SPTBN2: variants seen among roughly 807,000 people sequenced by gnomAD.
The protein encoded by SPTBN2 is spectrin beta chain, non-erythrocytic 2.
A neutral mutation model predicts 284.2 loss-of-function variants in SPTBN2; 107 were observed. The observed-to-expected ratio is 0.38, with a 90% confidence interval of 0.32 to 0.44. SPTBN2 has a LOEUF of 0.44. Among genes scored for constraint, SPTBN2 ranks in the 20% least tolerant of loss-of-function variants. The pLI, the probability that SPTBN2 is intolerant of heterozygous loss-of-function variation, is 1.00. For synonymous variants in SPTBN2, 1,289 were observed against 1,354.8 expected (o/e 0.95, Z 1.07); for missense variants, 2,569 against 3,287.1 (o/e 0.78, Z 5.34).
Position 66,708,335 on chromosome 11 carries a change from G to C in SPTBN2, c.1192-36C>G. 6.5e-7 allele frequency: 1 copy of C among 1,539,842 alleles called. No individual in the cohort carries two copies. Among genetic ancestry groups the C allele is most frequent in the Non-Finnish European group, 8.8e-7 (1 of 1,138,994 alleles). On this transcript the variant is annotated intron_variant, in intron 11 of 37. Transcript: ENST00000533211. The surrounding 1 kb of genome is among the most constrained non-coding windows in gnomAD (Gnocchi z 4.4). ...GGGACAGGGTTAGTGGAAGGGACAG[G>C]GTGGGGAGGGCTCAGTGGGGCTGGA...
intron 1 of SPTBN2, 198 bp downstream of exon 1, chr11:66,728,543 C>A: frequency 6.6e-6 from 1 of 151,318 alleles, no homozygotes; most frequent in Non-Finnish European, 1.5e-5. Context: ...AGGCCCCTCT[C>A]GGTGCTCCCC....
Position 66,699,025 on chromosome 11 carries a change from C to A in SPTBN2, c.3834G>T (p.Arg1278=). ...AATCTTGCAGGAAATGCTGCTGCTCCCGGTTGTCCCGAAGACGGCCCAGAA... is the reference window on the plus strand; with the variant it reads ...AATCTTGCAGGAAATGCTGCTGCTCACGGTTGTCCCGAAGACGGCCCAGAA... ...QQFLGRLRDN[R]EQQHFLQDCH... is the part of the protein sequence containing the mutation. The change falls in exon 19 of 38, where the codon CGG becomes CGT. Residue 1278 remains arginine (R), a synonymous_variant. Coordinates refer to ENST00000533211, the MANE Select transcript of SPTBN2 (RefSeq NM_006946.4). The A allele has an allele frequency of 6.2e-7, 1 of 1,614,214 alleles. No homozygotes were observed. Among genetic ancestry groups the A allele is most frequent in the Non-Finnish European group, 8.5e-7 (1 of 1,180,034 alleles).
At chr11:66,714,003 GCTCAT>G (rs961991095) in intron 7 of SPTBN2, 83 bp downstream of exon 7, 1 of 1,359,456 alleles carries the variant, frequency 7.4e-7, no homozygotes, top group African/African-American at 1.4e-5. Context: ...CTGCTGTGCA[GCTCAT>G]CTCATCTCTG....
chr11:66,684,590 G>A lies in SPTBN2; in HGVS notation c.*1281C>T, dbSNP rs573256908. On this transcript the variant is annotated 3_prime_UTR_variant, in exon 38 of 38. Coordinates refer to ENST00000533211, the MANE Select transcript of SPTBN2 (RefSeq NM_006946.4). Reference sequence around the variant, plus strand: ...GTGGAGGTTGCAATGGGCTGTGATTGCGCCACTGCAGTCCAGCTTGGCTGA... The same window carrying A: ...GTGGAGGTTGCAATGGGCTGTGATTACGCCACTGCAGTCCAGCTTGGCTGA... Among the ~76,000 whole-genome samples the A allele has an allele frequency of 4.7e-5, 7 of 150,530 alleles. No homozygotes were observed. The South Asian group carries it at 1.5e-3, about 32-fold the overall frequency.
chr11:66,689,406 T>C lies in SPTBN2; in HGVS notation c.5950-226A>G, dbSNP rs561713722. 9 of 562,628 alleles carry C rather than the reference T, an allele frequency of 1.6e-5. No individual in the cohort carries two copies. In the East Asian group the frequency reaches 2.9e-4, roughly 18 times the overall value. 34.9% of individuals were successfully genotyped at this position (562,628 alleles called of 1,614,324 possible). A position where few individuals can be genotyped will look rare whatever the true frequency, so the allele number is the denominator to read the frequency against. On this transcript the variant is annotated intron_variant, in intron 29 of 37. Transcript: ENST00000533211. ...TCTCCTGCCTCAGCCTCCGAGTAGC[T>C]GGGATTACAGGTGCCCGCCACCACG...
In SPTBN2 at chr11:66,715,824, G is replaced by C. The variant is rs750973738; in HGVS notation, c.309+6C>G. ...CCCCCCACTTCCCTTCATGACCACAGCTCACCAGTATCTCTCCCGAGAGCA... is the reference window on the plus strand; with the variant it reads ...CCCCCCACTTCCCTTCATGACCACACCTCACCAGTATCTCTCCCGAGAGCA... On this transcript the variant is annotated splice_donor_region_variant and intron_variant, in intron 4 of 37. Transcript: ENST00000533211. This position sits in a 1 kb window ranked among gnomAD's most constrained non-coding sequence, Gnocchi z 5.3. The C allele has an allele frequency of 6.2e-7, 1 of 1,613,732 alleles. No individual in the cohort carries two copies. Among genetic ancestry groups the C allele is most frequent in the Admixed American group, 1.7e-5 (1 of 59,972 alleles).
rs763398880 is a variant in SPTBN2 at position 66,687,138 on chromosome 11, C to T, written c.6752G>A (p.Arg2251Gln). Residue 2251 changes from arginine (R) to glutamine (Q), a missense_variant, in exon 36 of 38, where the codon CGG becomes CAG. Arg to Gln is a conservative substitution (Grantham distance 43). This residue lies in a region of SPTBN2 where 1,130 missense variants were observed against 1,317.3 expected (regional missense o/e 0.86). Coordinates refer to ENST00000533211, the MANE Select transcript of SPTBN2 (RefSeq NM_006946.4). This position sits in a 1 kb window ranked among gnomAD's most constrained non-coding sequence, Gnocchi z 5.2. Reference protein sequence around the residue: ...RSWQNVYCVLRRGSLGFYKDA... With the variant: ...RSWQNVYCVLQRGSLGFYKDA... ...CTTGTAAAAGCCGAGGCTCCCACGC[C>T]GCAGGACACAGTACACGTTCTGCCA... 16 of 1,613,916 alleles carry T rather than the reference C, an allele frequency of 9.9e-6. No homozygotes were observed. Among genetic ancestry groups the T allele is most frequent in the African/African-American group, 6.7e-5 (5 of 74,932 alleles).
rs1590970194 is a variant in SPTBN2 at position 66,715,694 on chromosome 11, T to C, written c.309+136A>G. ...ATCTAAGTGGCAAAGGCACTTGAAA[T>C]GAACCCATCCTCTGAGCAGAGGGAG... is the stretch of plus-strand genomic sequence containing the variant. On this transcript the variant is annotated intron_variant, in intron 4 of 37. Coordinates refer to ENST00000533211, the MANE Select transcript of SPTBN2 (RefSeq NM_006946.4). This position sits in a 1 kb window ranked among gnomAD's most constrained non-coding sequence, Gnocchi z 5.3. 7.9e-7 allele frequency: 1 copy of C among 1,269,740 alleles called. No homozygotes were observed. The highest frequency in any genetic ancestry group is 2.0e-5 in the Admixed American group (1 of 50,572). The allele number at this position is 1,269,740 out of a possible 1,614,324, so 78.7% of individuals were successfully genotyped here.
chr11:66,686,178 G>T, intron 37 of SPTBN2, 74 bp from the exon 38 acceptor site: 2 of 1,488,018 alleles, frequency 1.3e-6, no homozygotes, highest in Non-Finnish European at 1.9e-6. Context: ...GCAGGGAAGT[G>T]TAAGAGGAGG....
Position 66,691,237 on chromosome 11 carries a change from C to G in SPTBN2, c.5565+47G>C. The G allele has an allele frequency of 6.6e-7, 1 of 1,504,284 alleles. No homozygotes were observed. The allele number at this position is 1,504,284 out of a possible 1,614,324, so 93.2% of individuals were successfully genotyped here. ...TGGGAACTCTCCCCGGCATTTCCCC[C>G]ATGGCCTCCTCTAAGCCTCCCCCAC... On this transcript the variant is annotated intron_variant, in intron 27 of 37. Coordinates refer to ENST00000533211, the MANE Select transcript of SPTBN2 (RefSeq NM_006946.4). The surrounding 1 kb of genome is among the most constrained non-coding windows in gnomAD (Gnocchi z 8.0).
chr11:66,704,834 G>A lies in SPTBN2; in HGVS notation c.2442C>T (p.Pro814=). ...CCTCGGGCGTGCGGCTCAGTGTGGG[G>A]GGCAGGGCTGCTGCCTGTTCCCTCA... ...DALREQAAAL[P]PTLSRTPEVQ... The change falls in exon 15 of 38, where the codon CCC becomes CCT. Residue 814 remains proline (P), a synonymous_variant. Transcript: ENST00000533211. 6.2e-7 allele frequency: 1 copy of A among 1,607,866 alleles called. No homozygotes were observed. The highest frequency in any genetic ancestry group is 1.1e-5 in the South Asian group (1 of 91,054).
intron 1 of SPTBN2, chr11:66,727,899 C>G (rs1590992875): frequency 6.6e-6 from 1 of 150,566 alleles, no homozygotes; most frequent in South Asian, 2.1e-4. Context: ...TCCGTCAGCC[C>G]TAACTGTTCC....
At position 66,686,111 on chromosome 11, in the gene SPTBN2, A is replaced by G; in HGVS notation, c.6940-7T>C. On this transcript the variant is annotated splice_polypyrimidine_tract_variant and splice_region_variant and intron_variant, in intron 37 of 37. Coordinates refer to ENST00000533211, the MANE Select transcript of SPTBN2 (RefSeq NM_006946.4). Reference sequence around the variant, plus strand: ...GCCACGAGCTCATCTCTGCCTGTGGATGGAAAGACCCTCAATCAGCTTCAA... The same window carrying G: ...GCCACGAGCTCATCTCTGCCTGTGGGTGGAAAGACCCTCAATCAGCTTCAA... The G allele has an allele frequency of 1.2e-6, 2 of 1,611,110 alleles. No homozygotes were observed. Among genetic ancestry groups the G allele is most frequent in the Non-Finnish European group, 1.7e-6 (2 of 1,178,624 alleles).
chr11:66,732,639 G>C (rs1271842717), upstream of SPTBN2, among the ~76,000 whole-genome samples: 2 of 118,254 alleles, frequency 1.7e-5, no homozygotes, highest in East Asian at 2.4e-4. Context: ...AACAGAGCAA[G>C]ACTCTGTCTC....
intron 8 of SPTBN2, among the ~76,000 whole-genome samples, chr11:66,713,364 T>C (rs995365327): frequency 2.0e-5 from 3 of 151,918 alleles, no homozygotes; most frequent in Non-Finnish European, 2.9e-5. Flanking sequence ...TTGCCCAGGC[T>C]GGTACCAAAC....
At chr11:66,699,957 TTTTC>T (rs1486865258) in intron 17 of SPTBN2, among the ~76,000 whole-genome samples, 1 of 152,140 alleles carries the variant, frequency 6.6e-6, no homozygotes, top group South Asian at 2.1e-4. Context: ...TTTCCTTCTT[TTTTC>T]TTTTTCTTTT....
At chr11:66,690,421 G>T in intron 27 of SPTBN2, 138 bp from the exon 28 acceptor site, 1 of 1,262,442 alleles carries the variant, frequency 7.9e-7, no homozygotes, top group Non-Finnish European at 1.1e-6. Flanking sequence ...GAGTGGGGGT[G>T]CTGGGAAAGA....
upstream of SPTBN2, among the ~76,000 whole-genome samples, chr11:66,730,693 A>G (rs1377629358): frequency 1.3e-5 from 2 of 152,182 alleles, no homozygotes; most frequent in African/African-American, 4.8e-5. Flanking sequence ...GACAGCCTAT[A>G]ATATCGTGAC....
chr11:66,698,937 C>A (rs1941089006), intron 19 of SPTBN2, 55 bp downstream of exon 19: 1 of 1,609,898 alleles, frequency 6.2e-7, no homozygotes, highest in Non-Finnish European at 8.5e-7. Context: ...TTATTCTAGG[C>A]TCAAGGTGAG....
Sources: allele counts gnomAD v4.1 joint callset (sites outside exome capture counted in the v4.1 genomes callset), GRCh38; gene constraint gnomAD v4.1.1; regional missense constraint gnomAD v4.1.1; non-coding constraint Gnocchi (gnomAD v3.1); transcripts MANE v1.5; gene names NCBI Gene and HGNC (gene_info 2026-07-23, HGNC 2026-07-21).